Variants in RSRC1 observed in about 807,000 individuals in gnomAD.
RSRC1 encodes the protein arginine and serine rich coiled-coil 1, also known as serine/Arginine-related protein 53.
RSRC1 carries 39 observed loss-of-function variants against 49.1 expected under a neutral mutation model. The observed-to-expected ratio is 0.79, with a 90% CI of 0.61 to 1.04. The LOEUF (loss-of-function observed/expected upper bound fraction) is 1.04, where lower values mean the gene tolerates loss of function less well. Among genes scored for constraint, RSRC1 ranks in the 50% least tolerant of loss-of-function variants. The pLI, the probability that RSRC1 is intolerant of heterozygous loss-of-function variation, is 0.00. For synonymous variants in RSRC1, 143 were observed against 130.8 expected (o/e 1.09, Z -0.63); for missense variants, 388 against 402.4 (o/e 0.96, Z 0.31).
chr3:158,355,973 A>G (rs1731135623), intron 6 of RSRC1, among the ~76,000 whole-genome samples: 1 of 151,916 alleles, frequency 6.6e-6, no homozygotes, highest in South Asian at 2.1e-4. Flanking sequence ...AGTTTAATTT[A>G]TAGATTAGGT....
At chr3:158,208,396 T>C (rs827147) in intron 4 of RSRC1, among the ~76,000 whole-genome samples, 105,074 of 152,036 alleles carry the variant, frequency 0.69, 36,742 homozygotes, top group East Asian at 0.84. Flanking sequence ...CAGGGTCTCA[T>C]TTTGTTGCTC....
chr3:158,435,863 A>T (rs1456433920), intron 6 of RSRC1, among the ~76,000 whole-genome samples: 1 of 151,802 alleles, frequency 6.6e-6, no homozygotes, highest in Non-Finnish European at 1.5e-5. Context: ...ATATCCACAC[A>T]TATATCTTAA....
chr3:158,203,059 C>T lies in RSRC1; in HGVS notation c.321-13C>T. ...ATACACTAAGTTTATTTAACAAAATCTGCTTACTGTAGGTCCAGGTCAAGA... is the reference window on the plus strand; with the variant it reads ...ATACACTAAGTTTATTTAACAAAATTTGCTTACTGTAGGTCCAGGTCAAGA... On this transcript the variant is annotated splice_polypyrimidine_tract_variant and intron_variant, in intron 3 of 9. Coordinates refer to ENST00000611884, the MANE Select transcript of RSRC1 (RefSeq NM_001271838.2). The T allele has an allele frequency of 1.3e-6, 2 of 1,591,390 alleles. No individual in the cohort carries two copies. Among genetic ancestry groups the T allele is most frequent in the Non-Finnish European group, 1.7e-6 (2 of 1,165,028 alleles).
intron 3 of RSRC1, among the ~76,000 whole-genome samples, chr3:158,198,830 T>A (rs13059066): frequency 0.66 from 99,743 of 152,016 alleles, 32,975 homozygotes; most frequent in East Asian, 0.84. Flanking sequence ...AATTTCTTAA[T>A]ATCACATTGA....
At chr3:158,533,517 T>C (rs907455297) in intron 7 of RSRC1, among the ~76,000 whole-genome samples, 8 of 151,762 alleles carry the variant, frequency 5.3e-5, no homozygotes, top group African/African-American at 1.4e-4. Context: ...TATGTCCAAA[T>C]TTAAAGCTAC....
chr3:158,501,361 A>G (rs1036129219), intron 7 of RSRC1, among the ~76,000 whole-genome samples: 1 of 152,152 alleles, frequency 6.6e-6, no homozygotes, highest in African/African-American at 2.4e-5. Flanking sequence ...TGTTCCGTAT[A>G]TATCTGCTAA....
chr3:158,216,326 AT>A (rs1397785494), intron 4 of RSRC1, among the ~76,000 whole-genome samples: 1 of 151,164 alleles, frequency 6.6e-6, no homozygotes, highest in Non-Finnish European at 1.5e-5. Context: ...AAAATCTATT[AT>A]GTCTAATCTG....
At chr3:158,195,754 A>T (rs1487570428) in intron 3 of RSRC1, among the ~76,000 whole-genome samples, 1 of 152,176 alleles carries the variant, frequency 6.6e-6, no homozygotes, top group Non-Finnish European at 1.5e-5. Flanking sequence ...TTAAATAGGG[A>T]ATCCTTTCCC....
chr3:158,288,791 A>G (rs1400239357), intron 4 of RSRC1, among the ~76,000 whole-genome samples: 3 of 151,568 alleles, frequency 2.0e-5, no homozygotes, highest in Non-Finnish European at 4.4e-5. Context: ...AATAATGTCA[A>G]GAATAAAAAA....
intron 4 of RSRC1, among the ~76,000 whole-genome samples, chr3:158,251,005 GTT>G (rs56998044): frequency 6.6e-6 from 1 of 152,158 alleles, no homozygotes; most frequent in African/African-American, 2.4e-5. Context: ...TTTTGATTTG[GTT>G]TTTGTATATG....
At chr3:158,462,601 A>C (rs924628393) in intron 7 of RSRC1, among the ~76,000 whole-genome samples, 3 of 152,008 alleles carry the variant, frequency 2.0e-5, no homozygotes, top group African/African-American at 7.2e-5. Context: ...TGAAAAAAAT[A>C]ATATGAATGC....
Position 158,147,081 on chromosome 3 carries a change from TTC to T in RSRC1, c.320+23092_320+23093del, listed in dbSNP as rs1210699204. On this transcript the variant is annotated intron_variant, in intron 3 of 9. Transcript: ENST00000611884. ...CCCCTCCCTCTCCATCTTCTTCCTT[TTC>T]TTTCTTCTGCTTTTCTGCCTTTTTT... Among the ~76,000 whole-genome samples, 8 of 150,688 alleles carry T rather than the reference TTC, an allele frequency of 5.3e-5. No individual in the cohort carries two copies. The East Asian group carries it at 9.7e-4, about 18-fold the overall frequency.
At position 158,484,214 on chromosome 3, in the gene RSRC1, G is replaced by A. The variant is rs574448314; in HGVS notation, c.652+23211G>A. ...GCAGATAATACGGTGTCTTGGCCAC[G>A]TGTTAAAGAGAGAAATCAGGGCTAC... On this transcript the variant is annotated intron_variant, in intron 7 of 9. Coordinates refer to ENST00000611884, the MANE Select transcript of RSRC1 (RefSeq NM_001271838.2). 9.2e-5 allele frequency among the ~76,000 whole-genome samples: 14 copies of A among 152,218 alleles called. No homozygotes were observed. The South Asian group carries it at 2.1e-3, about 23-fold the overall frequency.
At chr3:158,174,799 A>G (rs902341718) in intron 3 of RSRC1, among the ~76,000 whole-genome samples, 1 of 152,106 alleles carries the variant, frequency 6.6e-6, no homozygotes, top group Non-Finnish European at 1.5e-5. Flanking sequence ...ATTACAAAGA[A>G]TGGTACTAAA....
At chr3:158,266,196 C>A (rs1035097699) in intron 4 of RSRC1, among the ~76,000 whole-genome samples, 3 of 151,894 alleles carry the variant, frequency 2.0e-5, no homozygotes, top group African/African-American at 7.3e-5. Context: ...CTCTGTAGTC[C>A]ATTTGTTTTC....
At chr3:158,265,603 C>A (rs1725126468) in intron 4 of RSRC1, among the ~76,000 whole-genome samples, 1 of 151,460 alleles carries the variant, frequency 6.6e-6, no homozygotes, top group African/African-American at 2.4e-5. Flanking sequence ...TGCTCTCTAG[C>A]CTGGGTGACA....
chr3:158,495,530 C>T (rs1037062507), intron 7 of RSRC1, among the ~76,000 whole-genome samples: 1 of 152,164 alleles, frequency 6.6e-6, no homozygotes, highest in Non-Finnish European at 1.5e-5. Context: ...AAGTGATCCA[C>T]CCACCTCAGC....
At chr3:158,386,087 T>C (rs1014431052) in intron 6 of RSRC1, among the ~76,000 whole-genome samples, 4 of 152,128 alleles carry the variant, frequency 2.6e-5, no homozygotes, top group Admixed American at 2.0e-4. Flanking sequence ...TCCCATTAGA[T>C]TTAGGGATGA....
intron 4 of RSRC1, among the ~76,000 whole-genome samples, chr3:158,208,209 A>G (rs1721454415): frequency 6.6e-6 from 1 of 152,184 alleles, no homozygotes; most frequent in Non-Finnish European, 1.5e-5. Flanking sequence ...AAACACTGAT[A>G]CAGATTTTTC....
Sources: allele counts gnomAD v4.1 joint callset (sites outside exome capture counted in the v4.1 genomes callset), GRCh38; gene constraint gnomAD v4.1.1; transcripts MANE v1.5; gene names NCBI Gene and HGNC (gene_info 2026-07-23, HGNC 2026-07-21).